Variants in SOX5 observed in about 807,000 individuals in gnomAD.
The protein encoded by SOX5 is transcription factor SOX-5.
Under a neutral mutation model 92.0 loss-of-function variants are expected in SOX5, and 9 were observed. The observed-to-expected ratio is 0.10, with a 90% CI of 0.06 to 0.17. The LOEUF (loss-of-function observed/expected upper bound fraction) is 0.17, where lower values mean the gene tolerates loss of function less well. Among genes scored for constraint, SOX5 ranks in the 10% least tolerant of loss-of-function variants. SOX5 has a pLI of 1.00. For missense variants in SOX5, 642 were observed against 944.5 expected (o/e 0.68, Z 4.20); for synonymous variants, 344 against 336.3 (o/e 1.02, Z -0.25).
At chr12:23,844,498 T>G (rs1286208751) in intron 3 of SOX5, among the ~76,000 whole-genome samples, 5 of 152,108 alleles carry the variant, frequency 3.3e-5, no homozygotes, top group African/African-American at 1.2e-4. Context: ...AGCCATGACT[T>G]CATGCAAAAA....
At chr12:24,188,796 T>C (rs537354120) in intron 4 of SOX5, among the ~76,000 whole-genome samples, 40 of 152,326 alleles carry the variant, frequency 2.6e-4, no homozygotes, top group Non-Finnish European at 3.8e-4. Context: ...AATCCATTTC[T>C]ACTAATGAAT....
At chr12:23,704,458 T>C (rs1052648137) in intron 6 of SOX5, among the ~76,000 whole-genome samples, 3 of 151,640 alleles carry the variant, frequency 2.0e-5, no homozygotes, top group Non-Finnish European at 4.4e-5. Context: ...CATAGCCTTA[T>C]GGCATTAAAA....
At chr12:23,568,307 C>A (rs1947514211) in intron 10 of SOX5, among the ~76,000 whole-genome samples, 2 of 152,132 alleles carry the variant, frequency 1.3e-5, no homozygotes, top group African/African-American at 4.8e-5. Flanking sequence ...CCTGCTGACA[C>A]CTTGACTTCA....
chr12:23,597,074 G>T (rs1952600673), intron 9 of SOX5, among the ~76,000 whole-genome samples: 1 of 152,096 alleles, frequency 6.6e-6, no homozygotes, highest in Non-Finnish European at 1.5e-5. Context: ...ATCTGATTCT[G>T]TGGATCTTCC....
At chr12:23,638,072 A>G (rs141465293) in intron 8 of SOX5, 1 of 144,906 alleles carries the variant, frequency 6.9e-6, no homozygotes, top group African/African-American at 2.5e-5. Context: ...CACCCCAAAT[A>G]AAAAAAAAAA....
At chr12:24,104,475 T>C (rs1354730147) in intron 4 of SOX5, among the ~76,000 whole-genome samples, 1 of 152,152 alleles carries the variant, frequency 6.6e-6, no homozygotes, top group African/African-American at 2.4e-5. Context: ...TTGAAAAACC[T>C]CTAAAAATTT....
rs565331196 is a variant in SOX5, at chr12:23,956,214, A to G, written c.-1-60190T>C. 1.4e-4 allele frequency among the ~76,000 whole-genome samples: 21 copies of G among 152,320 alleles called. 1 individual carries two copies. Among genetic ancestry groups the G allele is most frequent in the African/African-American group, 4.8e-4 (20 of 41,582 alleles). On this transcript the variant is annotated intron_variant, in intron 4 of 4. Coordinates refer to the SOX5 transcript ENST00000446891. ...TTCATAGTAAAGGAGAATGTTGCCT[A>G]TTAACAATGTTCAGTCTACTTGTAT...
chr12:23,563,973 G>C (rs914116247), intron 10 of SOX5, among the ~76,000 whole-genome samples: 17 of 152,290 alleles, frequency 1.1e-4, no homozygotes, highest in African/African-American at 3.6e-4. Flanking sequence ...ACAGGTGGCA[G>C]TGGTTTGCTA....
At chr12:23,972,224 G>A (rs1948422948) in intron 4 of SOX5, among the ~76,000 whole-genome samples, 1 of 152,206 alleles carries the variant, frequency 6.6e-6, no homozygotes. Context: ...TGTCAGTTGA[G>A]TATTTTTACT....
Position 23,563,170 on chromosome 12 carries a change from A to C in SOX5, c.1488+88T>G, listed in dbSNP as rs1592097953. ...GGGACAGAGAATCATTTTGAGGATGATAAGAAGATGGAAATATATTTTTTT... is the reference window on the plus strand; with the variant it reads ...GGGACAGAGAATCATTTTGAGGATGCTAAGAAGATGGAAATATATTTTTTT... On this transcript the variant is annotated intron_variant, in intron 11 of 14. Coordinates refer to ENST00000451604, the MANE Select transcript of SOX5 (RefSeq NM_006940.6). The C allele has an allele frequency of 7.3e-6, 8 of 1,097,444 alleles. No homozygotes were observed. In the East Asian group the frequency reaches 2.0e-4, roughly 27 times the overall value. The allele number at this position is 1,097,444 out of a possible 1,614,324, so 68.0% of individuals were successfully genotyped here.
At chr12:23,548,674 TCAG>T (rs1239407503) in intron 11 of SOX5, among the ~76,000 whole-genome samples, 2 of 151,650 alleles carry the variant, frequency 1.3e-5, no homozygotes, top group African/African-American at 4.8e-5. Context: ...GACAATAAAT[TCAG>T]AAGAAAAAGA....
At chr12:23,865,643 C>A (rs2096803210) in intron 2 of SOX5, among the ~76,000 whole-genome samples, 2 of 152,112 alleles carry the variant, frequency 1.3e-5, no homozygotes, top group South Asian at 2.1e-4. Flanking sequence ...CCACTGCATT[C>A]CCGCCTGGGT....
intron 4 of SOX5, among the ~76,000 whole-genome samples, chr12:23,745,465 T>C (rs1407171657): frequency 6.6e-6 from 1 of 152,132 alleles, no homozygotes; most frequent in African/African-American, 2.4e-5. Context: ...TGCTCCCCAT[T>C]GGCTTCAGAA....
chr12:23,909,023 T>C (rs890847157), intron 1 of SOX5, among the ~76,000 whole-genome samples: 22 of 151,916 alleles, frequency 1.4e-4, no homozygotes, highest in East Asian at 1.9e-4. Flanking sequence ...GTGGGCAAGT[T>C]AGGAATGCTA....
rs149140372 is a variant in SOX5, at chr12:24,520,107, G to A, written c.-251+42222C>T. ...AGGTATTCTTTAAAAATCAAGCAGAGATAAAAAGACTTTCCCAGACAAACA... is the reference window on the plus strand; with the variant it reads ...AGGTATTCTTTAAAAATCAAGCAGAAATAAAAAGACTTTCCCAGACAAACA... On this transcript the variant is annotated intron_variant, in intron 1 of 4. Transcript: ENST00000446891. Among the ~76,000 whole-genome samples, 1,376 of 151,128 alleles carry A rather than the reference G, an allele frequency of 9.1e-3. 16 individuals carry two copies. Among genetic ancestry groups the A allele is most frequent in the Non-Finnish European group, 0.014 (959 of 67,832 alleles).
intron 1 of SOX5, among the ~76,000 whole-genome samples, chr12:23,932,400 A>T (rs558470432): frequency 2.6e-4 from 40 of 151,802 alleles, no homozygotes; most frequent in African/African-American, 9.6e-4. Flanking sequence ...TGAAAAAGAC[A>T]TAAAAAGCAT....
At chr12:24,277,564 T>TA (rs1944642462) in intron 2 of SOX5, among the ~76,000 whole-genome samples, 2 of 121,264 alleles carry the variant, frequency 1.6e-5, no homozygotes, top group East Asian at 4.6e-4. Flanking sequence ...TATTTATATA[T>TA]TAAATATATA....
chr12:24,232,549 C>A (rs1963610455), intron 3 of SOX5, among the ~76,000 whole-genome samples: 1 of 152,138 alleles, frequency 6.6e-6, no homozygotes. Flanking sequence ...TCATTAAGAT[C>A]AAAGTTGCTA....
intron 4 of SOX5, among the ~76,000 whole-genome samples, chr12:23,986,040 A>G (rs1194210057): frequency 6.6e-6 from 1 of 152,160 alleles, no homozygotes; most frequent in Non-Finnish European, 1.5e-5. Flanking sequence ...GGATAATCCA[A>G]GATAATCTGT....
Sources: gnomAD v4.1 joint callset for allele counts (sites outside exome capture counted in the v4.1 genomes callset) on GRCh38, gnomAD v4.1.1 for gene constraint, MANE v1.5 for transcripts, NCBI Gene and HGNC (gene_info 2026-07-23, HGNC 2026-07-21) for gene names.